SCHIP1: variants seen among roughly 807,000 people sequenced by gnomAD.
SCHIP1 encodes schwannomin-interacting protein 1.
SCHIP1 carries 8 observed loss-of-function variants against 29.7 expected under a neutral mutation model. The observed-to-expected ratio is 0.27, with a 90% CI of 0.16 to 0.49. The LOEUF (loss-of-function observed/expected upper bound fraction) is 0.49. SCHIP1 is among the 20% of genes least tolerant of loss of function. The probability of loss-of-function intolerance (pLI) is 0.99; values close to 1 mark genes in which losing one functional copy is unlikely to be tolerated. For synonymous variants in SCHIP1, 76 were observed against 94.9 expected (o/e 0.80, Z 1.16); for missense variants, 193 against 294.6 (o/e 0.66, Z 2.52).
chr3:159,670,481 T>C, the SCHIP1 span, among the ~76,000 whole-genome samples: 3 of 152,162 alleles, frequency 2.0e-5, no homozygotes, highest in African/African-American at 7.2e-5. Context: ...AATGCTTCCT[T>C]TTGCTGTCCG....
the SCHIP1 span, among the ~76,000 whole-genome samples, chr3:159,798,131 C>G: frequency 6.6e-6 from 1 of 152,182 alleles, no homozygotes; most frequent in Non-Finnish European, 1.5e-5. Flanking sequence ...TACAGGAGCT[C>G]AGTTCAAACC....
chr3:159,610,586 T>C, the SCHIP1 span, among the ~76,000 whole-genome samples: 6 of 152,212 alleles, frequency 3.9e-5, no homozygotes, highest in African/African-American at 1.4e-4. Context: ...CTCTCTTTCC[T>C]TTGCCACATC....
the SCHIP1 span, among the ~76,000 whole-genome samples, chr3:159,530,657 C>T: frequency 4.6e-5 from 7 of 152,140 alleles, no homozygotes; most frequent in East Asian, 5.8e-4. Flanking sequence ...GAGTGCTCCA[C>T]GGAAATAAGA....
At chr3:159,420,487 C>T in the SCHIP1 span, among the ~76,000 whole-genome samples, 2 of 152,134 alleles carry the variant, frequency 1.3e-5, no homozygotes, top group African/African-American at 4.8e-5. Flanking sequence ...AGACAATGAC[C>T]TTAAAGTCAC....
chr3:159,635,109 T>G, the SCHIP1 span, among the ~76,000 whole-genome samples: 4 of 152,336 alleles, frequency 2.6e-5, no homozygotes, highest in African/African-American at 9.6e-5. Context: ...CTTACTCTGC[T>G]TTTTACAATT....
chr3:159,544,440 CAGTTTTCCAACATG>C, the SCHIP1 span, among the ~76,000 whole-genome samples: 1 of 151,954 alleles, frequency 6.6e-6, no homozygotes, highest in African/African-American at 2.4e-5. Flanking sequence ...TAGATAAAGC[CAGTTTTCCAACATG>C]AGTTGTACCA....
the SCHIP1 span, among the ~76,000 whole-genome samples, chr3:159,719,398 T>C: frequency 3.3e-5 from 5 of 152,112 alleles, no homozygotes; most frequent in Non-Finnish European, 5.9e-5. Context: ...CTAATTAAAC[T>C]AAAGAGCTTC....
At chr3:159,297,437 A>G in the SCHIP1 span, among the ~76,000 whole-genome samples, 1 of 152,250 alleles carries the variant, frequency 6.6e-6, no homozygotes, top group South Asian at 2.1e-4. Context: ...TGGTACTTTA[A>G]GACAGGCATT....
At chr3:159,560,723 T>G in the SCHIP1 span, among the ~76,000 whole-genome samples, 2 of 148,510 alleles carry the variant, frequency 1.3e-5, no homozygotes, top group East Asian at 4.3e-4. Flanking sequence ...CTTATTACCC[T>G]TTTTGTTTCT....
chr3:159,488,203 G>T, the SCHIP1 span, among the ~76,000 whole-genome samples: 4 of 152,112 alleles, frequency 2.6e-5, no homozygotes, highest in East Asian at 5.8e-4. Flanking sequence ...TAGTGGTGGG[G>T]CAGGAGTGGG....
At chr3:159,764,175 T>A in the SCHIP1 span, 1 of 422,216 alleles carries the variant, frequency 2.4e-6, no homozygotes, top group Non-Finnish European at 4.2e-6. This position sits in a 1 kb window ranked among gnomAD's most constrained non-coding sequence, Gnocchi z 6.1. Flanking sequence ...GGGCCCCTTG[T>A]ATGAAAAGTG....
the SCHIP1 span, among the ~76,000 whole-genome samples, chr3:159,619,500 C>A: frequency 1.3e-5 from 2 of 152,230 alleles, no homozygotes; most frequent in Admixed American, 1.3e-4. Context: ...GGCTTAAACG[C>A]TTTTTCCTAC....
chr3:159,827,230 T>G, the SCHIP1 span, among the ~76,000 whole-genome samples: 2 of 152,326 alleles, frequency 1.3e-5, no homozygotes, highest in African/African-American at 4.8e-5. Flanking sequence ...TCCATGTCGC[T>G]GCTTAACTCG....
chr3:159,559,604 C>T, the SCHIP1 span, among the ~76,000 whole-genome samples: 1 of 152,126 alleles, frequency 6.6e-6, no homozygotes, highest in Admixed American at 6.6e-5. Context: ...TGCTAAGTTT[C>T]TTTCATCTGC....
At chr3:159,472,942 G>A in the SCHIP1 span, among the ~76,000 whole-genome samples, 1 of 152,046 alleles carries the variant, frequency 6.6e-6, no homozygotes, top group Non-Finnish European at 1.5e-5. Flanking sequence ...AATTCACCTG[G>A]GCTCATCTAT....
the SCHIP1 span, among the ~76,000 whole-genome samples, chr3:159,595,275 T>C: frequency 1.3e-3 from 192 of 152,208 alleles, no homozygotes; most frequent in African/African-American, 4.1e-3. Context: ...AATCAAGGAA[T>C]TGGAGCAGGA....
chr3:159,727,446 T>C, the SCHIP1 span, among the ~76,000 whole-genome samples: 4 of 152,226 alleles, frequency 2.6e-5, no homozygotes, highest in East Asian at 5.8e-4. Context: ...TTGTAGACTG[T>C]CAACAAATCT....
At chr3:159,386,435 G>A in the SCHIP1 span, among the ~76,000 whole-genome samples, 1 of 152,192 alleles carries the variant, frequency 6.6e-6, no homozygotes, top group African/African-American at 2.4e-5. Flanking sequence ...CTCATGGATA[G>A]GAAGAATCAA....
chr3:159,714,793 G>C, the SCHIP1 span, among the ~76,000 whole-genome samples: 1 of 152,240 alleles, frequency 6.6e-6, no homozygotes, highest in Non-Finnish European at 1.5e-5. Flanking sequence ...AGGCCCACCT[G>C]CCTCTGTAGA....
Sources: gnomAD v4.1 joint callset for allele counts (sites outside exome capture counted in the v4.1 genomes callset) on GRCh38, gnomAD v4.1.1 for gene constraint, Gnocchi (gnomAD v3.1) non-coding constraint, MANE v1.5 for transcripts, NCBI Gene and HGNC (gene_info 2026-07-23, HGNC 2026-07-21) for gene names.